Variants in CMTM8 observed in about 807,000 individuals in gnomAD.
The protein encoded by CMTM8 is CKLF-like MARVEL transmembrane domain-containing protein 8.
CMTM8 carries 12 observed loss-of-function variants against 18.6 expected under a neutral mutation model. The observed-to-expected ratio is 0.65, with a 90% CI of 0.41 to 1.05. CMTM8 has a LOEUF of 1.05. Ranked by LOEUF, CMTM8 falls within the 50% of genes least tolerant of loss-of-function variation. The pLI is 0.00. For synonymous variants in CMTM8, 87 were observed against 90.6 expected, an observed-to-expected ratio of 0.96 and a Z score of 0.23; for missense variants, 217 against 227.2, an observed-to-expected ratio of 0.95 and a Z score of 0.29.
At chr3:32,311,738 A>T (rs955918576) in intron 1 of CMTM8, among the ~76,000 whole-genome samples, 1 of 152,206 alleles carries the variant, frequency 6.6e-6, no homozygotes, top group Non-Finnish European at 1.5e-5. Flanking sequence ...CTATAAATCA[A>T]TTCAATTCTG....
chr3:32,307,671 A>T (rs1229874894), intron 1 of CMTM8, among the ~76,000 whole-genome samples: 1 of 152,136 alleles, frequency 6.6e-6, no homozygotes, highest in Non-Finnish European at 1.5e-5. Context: ...GGTGACTGCT[A>T]GGGGTGGGTT....
chr3:32,239,962 G>A (rs780653055), intron 1 of CMTM8, among the ~76,000 whole-genome samples: 8 of 152,222 alleles, frequency 5.3e-5, no homozygotes, highest in Non-Finnish European at 7.3e-5. Context: ...GGATGGTGAA[G>A]CATGGATTCA....
At chr3:32,308,602 A>T (rs1695760815) in intron 1 of CMTM8, among the ~76,000 whole-genome samples, 1 of 152,170 alleles carries the variant, frequency 6.6e-6, no homozygotes, top group Non-Finnish European at 1.5e-5. Flanking sequence ...CAGTTTCTCC[A>T]TCTGTAAAAT....
intron 1 of CMTM8, among the ~76,000 whole-genome samples, chr3:32,290,217 TTAATA>T (rs1274927152): frequency 1.3e-5 from 2 of 152,260 alleles, no homozygotes; most frequent in Admixed American, 6.5e-5. Flanking sequence ...GCATGATTGC[TTAATA>T]TAAGTCATAA....
chr3:32,260,402 G>A lies in CMTM8; in HGVS notation c.147+21283G>A, dbSNP rs137987464. On this transcript the variant is annotated intron_variant, in intron 1 of 3. Coordinates refer to ENST00000307526, the MANE Select transcript of CMTM8 (RefSeq NM_178868.5). Reference sequence around the variant, plus strand: ...AAATATTTAACTTTAATATTGAAATGCATTTCAGCAGAAATATAAAGTTGG... The same window carrying A: ...AAATATTTAACTTTAATATTGAAATACATTTCAGCAGAAATATAAAGTTGG... Among the ~76,000 whole-genome samples, 681 of 152,292 alleles carry A rather than the reference G, an allele frequency of 4.5e-3. 7 individuals carry two copies. The highest frequency in any genetic ancestry group is 9.7e-3 in the Admixed American group (148 of 15,300).
intron 1 of CMTM8, among the ~76,000 whole-genome samples, chr3:32,285,494 CAG>C (rs1200225152): frequency 3.5e-5 from 5 of 142,640 alleles, no homozygotes; most frequent in African/African-American, 1.3e-4. Context: ...GCCTGGGTGA[CAG>C]AGCGAGATTC....
intron 1 of CMTM8, among the ~76,000 whole-genome samples, chr3:32,268,701 A>C (rs1702388584): frequency 6.6e-6 from 1 of 152,170 alleles, no homozygotes; most frequent in Non-Finnish European, 1.5e-5. Flanking sequence ...GAGTGATTCC[A>C]GCTTTGTAGG....
chr3:32,270,211 T>A (rs909110177), intron 1 of CMTM8, among the ~76,000 whole-genome samples: 1 of 152,202 alleles, frequency 6.6e-6, no homozygotes, highest in Non-Finnish European at 1.5e-5. Flanking sequence ...TGTAAGCCAC[T>A]GTGCCTGGCC....
intron 1 of CMTM8, among the ~76,000 whole-genome samples, chr3:32,306,924 A>G (rs1695726054): frequency 6.6e-6 from 1 of 152,204 alleles, no homozygotes; most frequent in Admixed American, 6.5e-5. Flanking sequence ...AATGGAGAGA[A>G]GATGCCAGGC....
intron 1 of CMTM8, among the ~76,000 whole-genome samples, chr3:32,249,430 A>G (rs1029359082): frequency 6.8e-6 from 1 of 147,288 alleles, no homozygotes; most frequent in Non-Finnish European, 1.5e-5. Flanking sequence ...ATCCTACCTC[A>G]AAAAATGAAA....
chr3:32,353,577 G>A (rs1237138443), intron 1 of CMTM8, among the ~76,000 whole-genome samples: 2 of 152,136 alleles, frequency 1.3e-5, no homozygotes, highest in Non-Finnish European at 2.9e-5. Context: ...TGGTATTACT[G>A]ACTGAAAGAA....
At chr3:32,309,657 T>C (rs1042190276) in intron 1 of CMTM8, among the ~76,000 whole-genome samples, 3 of 152,128 alleles carry the variant, frequency 2.0e-5, no homozygotes, top group Admixed American at 2.0e-4. Context: ...GTCCATGTAG[T>C]GTTCCAGACT....
At chr3:32,241,693 C>T (rs1377180055) in intron 1 of CMTM8, among the ~76,000 whole-genome samples, 2 of 152,162 alleles carry the variant, frequency 1.3e-5, no homozygotes, top group South Asian at 4.1e-4. Flanking sequence ...CAGGATGTAA[C>T]CTCATTGTTA....
chr3:32,336,020 G>A (rs1223515268), intron 1 of CMTM8, among the ~76,000 whole-genome samples: 1 of 152,234 alleles, frequency 6.6e-6, no homozygotes, highest in Non-Finnish European at 1.5e-5. Context: ...CTCAGCATGA[G>A]GGCATGGATT....
At chr3:32,284,652 G>A (rs1244936397) in intron 1 of CMTM8, among the ~76,000 whole-genome samples, 2 of 152,230 alleles carry the variant, frequency 1.3e-5, no homozygotes, top group Non-Finnish European at 2.9e-5. Flanking sequence ...AGCTCACAGA[G>A]GGCATGAACT....
chr3:32,317,898 A>G (rs879551202), intron 1 of CMTM8, among the ~76,000 whole-genome samples: 1 of 152,016 alleles, frequency 6.6e-6, no homozygotes, highest in Non-Finnish European at 1.5e-5. Context: ...TATTAAAAAT[A>G]TAAAAAATTA....
At chr3:32,366,492 C>G (rs1156245114) in intron 2 of CMTM8, among the ~76,000 whole-genome samples, 1 of 152,208 alleles carries the variant, frequency 6.6e-6, no homozygotes, top group Non-Finnish European at 1.5e-5. Flanking sequence ...CTCATTCATT[C>G]TTTCCTTGTA....
At chr3:32,287,211 T>C (rs1702702314) in intron 1 of CMTM8, among the ~76,000 whole-genome samples, 1 of 152,256 alleles carries the variant, frequency 6.6e-6, no homozygotes, top group African/African-American at 2.4e-5. Context: ...ATTGGGCACC[T>C]TCTTAATAAT....
chr3:32,337,224 TG>T, intron 1 of CMTM8, among the ~76,000 whole-genome samples: 1 of 152,248 alleles, frequency 6.6e-6, no homozygotes, highest in African/African-American at 2.4e-5. Context: ...ACATAAAGTT[TG>T]GGGGACACAT....
Sources: gnomAD v4.1 joint callset for allele counts (sites outside exome capture counted in the v4.1 genomes callset) on GRCh38, gnomAD v4.1.1 for gene constraint, MANE v1.5 for transcripts, NCBI Gene and HGNC (gene_info 2026-07-23, HGNC 2026-07-21) for gene names.